Variants in AFAP1 observed in about 807,000 individuals in gnomAD.
AFAP1 encodes actin filament-associated protein 1.
In AFAP1, 75 loss-of-function variants were observed where a neutral mutation model predicts 93.9. The ratio of observed to expected loss-of-function variants is 0.80; its 90% CI spans 0.66 to 0.97. AFAP1 has a LOEUF of 0.97. Among genes scored for constraint, AFAP1 ranks in the 50% least tolerant of loss-of-function variants. The probability of loss-of-function intolerance (pLI) is 0.00; values close to 1 mark genes in which losing one functional copy is unlikely to be tolerated. For synonymous variants in AFAP1, 517 were observed against 430.7 expected, an observed-to-expected ratio of 1.20 and a Z score of -2.48; for missense variants, 1,201 against 1,050.8, an observed-to-expected ratio of 1.14 and a Z score of -1.98.
At chr4:7,827,734 C>A (rs925448769) in intron 6 of AFAP1, among the ~76,000 whole-genome samples, 2 of 151,858 alleles carry the variant, frequency 1.3e-5, no homozygotes, top group Admixed American at 6.6e-5. Flanking sequence ...TGAGACACAT[C>A]GCAGTCAGCT....
At chr4:7,816,289 T>C (rs911307503) in intron 7 of AFAP1, among the ~76,000 whole-genome samples, 190 bp from the exon 8 acceptor site, 2 of 151,818 alleles carry the variant, frequency 1.3e-5, no homozygotes, top group African/African-American at 4.8e-5. Flanking sequence ...TTTAAAAACA[T>C]CCAGAGGGGG....
intron 6 of AFAP1, among the ~76,000 whole-genome samples, chr4:7,821,714 TA>T (rs1203971849): frequency 3.9e-5 from 6 of 152,192 alleles, no homozygotes; most frequent in Non-Finnish European, 2.9e-5. Flanking sequence ...AAGTCCCAGA[TA>T]TGTGTGTAGT....
intron 2 of AFAP1, among the ~76,000 whole-genome samples, chr4:7,868,937 G>GAGAA (rs1454419017): frequency 8.1e-6 from 1 of 124,084 alleles, no homozygotes; most frequent in African/African-American, 3.0e-5. Context: ...AAAAGAGAAA[G>GAGAA]AGAAAGAGAA....
intron 3 of AFAP1, among the ~76,000 whole-genome samples, chr4:7,865,194 G>A (rs987520687): frequency 2.0e-5 from 3 of 152,112 alleles, no homozygotes; most frequent in Non-Finnish European, 2.9e-5. Flanking sequence ...TGTGGCCCTC[G>A]GTCCTACATC....
chr4:7,849,083 C>T (rs563114347), intron 4 of AFAP1, among the ~76,000 whole-genome samples: 41 of 152,252 alleles, frequency 2.7e-4, no homozygotes, highest in African/African-American at 9.9e-4. Flanking sequence ...GAACCACAGA[C>T]AAAGGTTAAG....
chr4:7,860,905 A>G (rs1211085077), intron 3 of AFAP1, among the ~76,000 whole-genome samples: 1 of 152,266 alleles, frequency 6.6e-6, no homozygotes, highest in African/African-American at 2.4e-5. Flanking sequence ...CATGCCTTCC[A>G]CTGCCGCTTG....
chr4:7,910,733 C>A (rs940251892), intron 1 of AFAP1, among the ~76,000 whole-genome samples: 2 of 152,234 alleles, frequency 1.3e-5, no homozygotes, highest in Admixed American at 6.5e-5. Flanking sequence ...CCACTCACTG[C>A]GAGCCTACTA....
intron 1 of AFAP1, among the ~76,000 whole-genome samples, chr4:7,890,902 T>C (rs1416389989): frequency 1.3e-5 from 2 of 152,188 alleles, no homozygotes; most frequent in East Asian, 3.8e-4. Flanking sequence ...TGAGATCCAG[T>C]AATGCCACTC....
intron 6 of AFAP1, among the ~76,000 whole-genome samples, chr4:7,827,165 T>C (rs539624903): frequency 2.3e-4 from 35 of 151,886 alleles, no homozygotes; most frequent in African/African-American, 7.0e-4. Context: ...TACAGGTAAA[T>C]AGAAGCGTCC....
chr4:7,806,791 G>A (rs1719553323), intron 9 of AFAP1, among the ~76,000 whole-genome samples: 1 of 152,196 alleles, frequency 6.6e-6, no homozygotes, highest in African/African-American at 2.4e-5. Context: ...TGTCCACTAA[G>A]CAGTTTGATA....
chr4:7,906,868 G>T (rs1265872812), intron 1 of AFAP1, among the ~76,000 whole-genome samples: 1 of 152,148 alleles, frequency 6.6e-6, no homozygotes, highest in Non-Finnish European at 1.5e-5. Flanking sequence ...TAAGAATGCT[G>T]GCGGGCGCCT....
chr4:7,873,142 C>A (rs1308629180), intron 1 of AFAP1, among the ~76,000 whole-genome samples: 1 of 144,638 alleles, frequency 6.9e-6, no homozygotes, highest in African/African-American at 2.5e-5. Context: ...ACTGAGGAGG[C>A]TGGGGCACAA....
intron 1 of AFAP1, among the ~76,000 whole-genome samples, chr4:7,893,445 G>T (rs2149209542): frequency 6.6e-6 from 1 of 152,160 alleles, no homozygotes; most frequent in Non-Finnish European, 1.5e-5. Flanking sequence ...GCCAGGCGTG[G>T]TGGCGGGCGC....
At chr4:7,780,600 C>T (rs1036569108) in intron 13 of AFAP1, among the ~76,000 whole-genome samples, 1 of 151,840 alleles carries the variant, frequency 6.6e-6, no homozygotes, top group African/African-American at 2.4e-5. Context: ...ATCACTTGAG[C>T]CCACAGTTCA....
intron 11 of AFAP1, among the ~76,000 whole-genome samples, chr4:7,786,692 T>G (rs1717297113): frequency 6.6e-6 from 1 of 152,194 alleles, no homozygotes; most frequent in South Asian, 2.1e-4. Flanking sequence ...TACCAAGCGT[T>G]TTGATTATCA....
rs371904896 is a variant in AFAP1 at position 7,763,697 on chromosome 4, C to A, written c.*68G>T. On this transcript the variant is annotated 3_prime_UTR_variant, in exon 18 of 18. Coordinates refer to ENST00000420658, the MANE Select transcript of AFAP1 (RefSeq NM_001134647.2). ...GGCCACTCTGGGCAGAGCTTCCTGCCGTCACACAGATGAGGATACAGGCAA... is the reference window on the plus strand; with the variant it reads ...GGCCACTCTGGGCAGAGCTTCCTGCAGTCACACAGATGAGGATACAGGCAA... 6.5e-7 allele frequency: 1 copy of A among 1,543,472 alleles called. No homozygotes were observed. The highest frequency in any genetic ancestry group is 2.4e-5 in the East Asian group (1 of 40,834).
intron 1 of AFAP1, among the ~76,000 whole-genome samples, chr4:7,919,090 C>T (rs1301955809): frequency 6.6e-6 from 1 of 151,528 alleles, no homozygotes; most frequent in African/African-American, 2.4e-5. Context: ...AACAGGGCTG[C>T]CAGATGAGAC....
chr4:7,874,910 T>G, intron 1 of AFAP1, among the ~76,000 whole-genome samples: 1 of 152,162 alleles, frequency 6.6e-6, no homozygotes, highest in East Asian at 1.9e-4. Flanking sequence ...ATAAATATCT[T>G]CAAATTTGCC....
intron 3 of AFAP1, among the ~76,000 whole-genome samples, chr4:7,860,631 G>A (rs1162873880): frequency 6.6e-6 from 1 of 152,150 alleles, no homozygotes; most frequent in Non-Finnish European, 1.5e-5. Context: ...GGCTGGACAT[G>A]CTTATCCACA....
Sources: allele counts gnomAD v4.1 joint callset (sites outside exome capture counted in the v4.1 genomes callset), GRCh38; gene constraint gnomAD v4.1.1; transcripts MANE v1.5; gene names NCBI Gene and HGNC (gene_info 2026-07-23, HGNC 2026-07-21).